LRRC74A: variants seen among roughly 807,000 people sequenced by gnomAD.
LRRC74A encodes the protein leucine-rich repeat-containing protein 74A.
Under a neutral mutation model 57.9 loss-of-function variants are expected in LRRC74A, and 44 were observed. That is an observed-to-expected ratio of 0.76 (90% confidence interval 0.60 to 0.98). The LOEUF (loss-of-function observed/expected upper bound fraction) is 0.98. Among genes scored for constraint, LRRC74A ranks in the 50% least tolerant of loss-of-function variants. The pLI, the probability that LRRC74A is intolerant of heterozygous loss-of-function variation, is 0.00. For synonymous variants in LRRC74A, 211 were observed against 219.4 expected (o/e 0.96, Z 0.34); for missense variants, 572 against 574.0 (o/e 1.00, Z 0.04).
chr14:76,831,736 T>G (rs956481949), intron 3 of LRRC74A, among the ~76,000 whole-genome samples: 3 of 152,208 alleles, frequency 2.0e-5, no homozygotes, highest in African/African-American at 7.2e-5. Context: ...TGGGTCTTCA[T>G]TCCAAAGCTC....
intron 11 of LRRC74A, among the ~76,000 whole-genome samples, chr14:76,863,458 C>T (rs1019258008): frequency 2.6e-5 from 4 of 152,186 alleles, no homozygotes; most frequent in Admixed American, 2.0e-4. Context: ...ACCTGGAACA[C>T]TTTTCTTCTT....
rs1419610627 is a variant in LRRC74A at position 76,860,685 on chromosome 14, T to C, written c.1054-8T>C. On this transcript the variant is annotated splice_region_variant and splice_polypyrimidine_tract_variant and intron_variant, in intron 10 of 13. Coordinates refer to ENST00000689127, the MANE Select transcript of LRRC74A (RefSeq NM_001385106.1). Reference sequence around the variant, plus strand: ...CATCATCATGGGTCCCCTCTCTCCCTGTCACAGAACGTGCTGGTGTCCGAG... The same window carrying C: ...CATCATCATGGGTCCCCTCTCTCCCCGTCACAGAACGTGCTGGTGTCCGAG... 2.5e-6 allele frequency: 4 copies of C among 1,603,002 alleles called. No individual in the cohort carries two copies. The East Asian group carries it at 6.7e-5, about 27-fold the overall frequency.
intron 3 of LRRC74A, among the ~76,000 whole-genome samples, chr14:76,834,072 T>C (rs1402973646): frequency 2.6e-5 from 4 of 152,346 alleles, no homozygotes; most frequent in African/African-American, 9.6e-5. Context: ...CATGGTCTTA[T>C]TTTTCCTCAC....
Position 76,829,070 on chromosome 14 carries a change from C to T in LRRC74A, c.166+651C>T, listed in dbSNP as rs1250034919. ...GACTCTGTTAATGCAAATAACACCT[C>T]CACCCTCTCTCTCCTCCCAGTTTCC... On this transcript the variant is annotated intron_variant, in intron 2 of 13. Coordinates refer to ENST00000689127, the MANE Select transcript of LRRC74A (RefSeq NM_001385106.1). The T allele has an allele frequency of 4.7e-6, 6 of 1,289,252 alleles. No individual in the cohort carries two copies. In the South Asian group the frequency reaches 7.4e-5, roughly 16 times the overall value. The allele number at this position is 1,289,252 out of a possible 1,614,324, so 79.9% of individuals were successfully genotyped here.
chr14:76,833,979 G>A (rs1896146153), intron 3 of LRRC74A, among the ~76,000 whole-genome samples: 1 of 152,182 alleles, frequency 6.6e-6, no homozygotes, highest in Non-Finnish European at 1.5e-5. Flanking sequence ...TAGAATGTAA[G>A]TTCCTTGTAT....
Position 76,836,280 on chromosome 14 carries a change from A to G in LRRC74A, c.413A>G (p.Glu138Gly), listed in dbSNP as rs368084582. ...IMEEGVLSLV[E>G]MLQENYYLQE... ...GAGGAGGGCGTCTTGAGCCTGGTGG[A>G]GATGCTACAAGAGAACTACTACCTC... The change falls in exon 4 of 14, where the codon GAG (glutamate) becomes GGG (glycine). Residue 138 changes from glutamate (E) to glycine (G), a missense_variant. Coordinates refer to ENST00000689127, the MANE Select transcript of LRRC74A (RefSeq NM_001385106.1). 1.2e-5 allele frequency: 19 copies of G among 1,613,326 alleles called. No homozygotes were observed. Among genetic ancestry groups the G allele is most frequent in the Non-Finnish European group, 1.6e-5 (19 of 1,179,578 alleles).
chr14:76,829,703 C>T (rs1414018591), intron 2 of LRRC74A, among the ~76,000 whole-genome samples: 1 of 152,188 alleles, frequency 6.6e-6, no homozygotes, highest in African/African-American at 2.4e-5. Context: ...CTGCTTTTGC[C>T]AACAGGAACC....
intron 1 of LRRC74A, 70 bp downstream of exon 1, chr14:76,826,804 C>T: frequency 9.3e-7 from 1 of 1,081,036 alleles, no homozygotes; most frequent in South Asian, 1.3e-5. Flanking sequence ...CTAGTGATCA[C>T]AGGACCCTGA....
intron 7 of LRRC74A, among the ~76,000 whole-genome samples, chr14:76,846,095 G>C (rs1451734530): frequency 1.3e-5 from 2 of 152,152 alleles, no homozygotes; most frequent in Admixed American, 6.6e-5. Flanking sequence ...ATAGTATTCA[G>C]AATGTTGATA....
Position 76,836,323 on chromosome 14 carries a change from C to G in LRRC74A, c.447+9C>G. The stretch of plus-strand genomic sequence containing the variant: ...ACTACCTCCAGGAGATGGTACTGTG[C>G]CCCCCTGTGCTGGCTCTTACCATCA... On this transcript the variant is annotated intron_variant, in intron 4 of 13. Transcript: ENST00000689127. 2.5e-6 allele frequency: 4 copies of G among 1,572,178 alleles called. No individual in the cohort carries two copies. Among genetic ancestry groups the G allele is most frequent in the Non-Finnish European group, 3.5e-6 (4 of 1,145,340 alleles).
rs1449089570 is a variant in LRRC74A at position 76,870,149 on chromosome 14, GCAA to G, written c.*4_*6del. The G allele has an allele frequency of 6.2e-7, 1 of 1,611,340 alleles. No individual in the cohort carries two copies. Among genetic ancestry groups the G allele is most frequent in the Non-Finnish European group, 8.5e-7 (1 of 1,178,756 alleles). ...GTTTCTTGAACACGATGAAGCCATA[GCAA>G]CAAGTCTGGTCTAGAAAGAAGTCTC... On this transcript the variant is annotated 3_prime_UTR_variant, in exon 14 of 14. Transcript: ENST00000689127.
chr14:76,846,323 G>A (rs895826957), intron 7 of LRRC74A, among the ~76,000 whole-genome samples: 4 of 152,154 alleles, frequency 2.6e-5, no homozygotes, highest in African/African-American at 4.8e-5. Context: ...TCAAGCTGCC[G>A]GGCACTTTTG....
intron 12 of LRRC74A, among the ~76,000 whole-genome samples, chr14:76,867,011 G>T (rs74871595): frequency 0.85 from 878 of 1,038 alleles, 408 homozygotes; most frequent in Middle Eastern, 1. Flanking sequence ...AGTGTGGGGG[G>T]GTGTGTGTTG....
Position 76,856,047 on chromosome 14 carries a change from A to G in LRRC74A, c.958-1333A>G, listed in dbSNP as rs182425917. On this transcript the variant is annotated intron_variant, in intron 9 of 13. Coordinates refer to ENST00000689127, the MANE Select transcript of LRRC74A (RefSeq NM_001385106.1). ...AGCAGCTCCTAGCTCCACTGGGATA[A>G]TGTCCTTGTTCCTTCTCCAAGCCTA... 1.8e-3 allele frequency among the ~76,000 whole-genome samples: 280 copies of G among 152,296 alleles called. 1 individual carries two copies. The highest frequency in any genetic ancestry group is 6.6e-3 in the African/African-American group (276 of 41,574).
At chr14:76,862,787 A>G (rs1199981580) in intron 11 of LRRC74A, among the ~76,000 whole-genome samples, 1 of 152,126 alleles carries the variant, frequency 6.6e-6, no homozygotes, top group African/African-American at 2.4e-5. Flanking sequence ...CAGCATGTTC[A>G]GGGGACACTA....
chr14:76,841,576 G>A (rs1402440012), intron 5 of LRRC74A, among the ~76,000 whole-genome samples: 4 of 151,968 alleles, frequency 2.6e-5, no homozygotes, highest in Non-Finnish European at 4.4e-5. Flanking sequence ...AACACCTGTT[G>A]GGGTTTTGGT....
intron 7 of LRRC74A, among the ~76,000 whole-genome samples, chr14:76,851,815 G>A (rs13379241): frequency 0.099 from 15,049 of 151,952 alleles, 949 homozygotes; most frequent in African/African-American, 0.17. Context: ...ACAGGCACGC[G>A]CCACCGCACC....
Position 76,857,483 on chromosome 14 carries a change from A to G in LRRC74A, c.1053+8A>G. The G allele has an allele frequency of 6.4e-7, 1 of 1,557,992 alleles. No individual in the cohort carries two copies. The highest frequency in any genetic ancestry group is 8.7e-7 in the Non-Finnish European group (1 of 1,148,044). On this transcript the variant is annotated splice_region_variant and intron_variant, in intron 10 of 13. Transcript: ENST00000689127. Reference sequence around the variant, plus strand: ...GAAGAGCTTGATATTTCCGTAAGTGATCAAATGGTAGTTGCTTGCGTCTGG... The same window carrying G: ...GAAGAGCTTGATATTTCCGTAAGTGGTCAAATGGTAGTTGCTTGCGTCTGG...
intron 10 of LRRC74A, among the ~76,000 whole-genome samples, chr14:76,860,040 CT>C (rs1260676555): frequency 4.6e-5 from 7 of 152,186 alleles, no homozygotes; most frequent in Non-Finnish European, 8.8e-5. Context: ...AGAAATTCCT[CT>C]TTTGTAGATG....
Sources: allele counts gnomAD v4.1 joint callset (sites outside exome capture counted in the v4.1 genomes callset), GRCh38; gene constraint gnomAD v4.1.1; transcripts MANE v1.5; gene names NCBI Gene and HGNC (gene_info 2026-07-23, HGNC 2026-07-21).